MTMR2: variants seen among roughly 807,000 people sequenced by gnomAD.
MTMR2 encodes the protein phosphatidylinositol-3,5-bisphosphate 3-phosphatase MTMR2.
Under a neutral mutation model 86.9 loss-of-function variants are expected in MTMR2, and 55 were observed. That is an observed-to-expected ratio of 0.63 (90% CI 0.51 to 0.79). The LOEUF is 0.79. Among genes scored for constraint, MTMR2 ranks in the 30% least tolerant of loss-of-function variants. MTMR2 has a pLI of 0.00. For synonymous variants in MTMR2, 241 were observed against 266.8 expected (o/e 0.90, Z 0.94); for missense variants, 659 against 772.3 (o/e 0.85, Z 1.74).
chr11:95,862,246 A>C (rs765861733), intron 4 of MTMR2, 26 bp downstream of exon 4: 8 of 1,575,924 alleles, frequency 5.1e-6, no homozygotes, highest in Non-Finnish European at 7.0e-6. Context: ...ACTCATGTAC[A>C]TACAAAAATC....
intron 2 of MTMR2, chr11:95,887,684 G>A (rs1463206584): frequency 3.4e-5 from 6 of 177,120 alleles, no homozygotes; most frequent in Non-Finnish European, 5.9e-5. Context: ...GACTGCATGG[G>A]CTGGAACACC....
chr11:95,908,746 A>G (rs1356355604), intron 1 of MTMR2, among the ~76,000 whole-genome samples: 1 of 152,044 alleles, frequency 6.6e-6, no homozygotes, highest in Non-Finnish European at 1.5e-5. Flanking sequence ...TGGGGAAAGG[A>G]CTCTATTCAA....
Position 95,905,052 on chromosome 11 carries a change from C to T in MTMR2, c.81-16791G>A, listed in dbSNP as rs73533180. Among the ~76,000 whole-genome samples the T allele has an allele frequency of 9.4e-3, 1,430 of 152,194 alleles. 23 individuals are homozygous for T. Among genetic ancestry groups the T allele is most frequent in the African/African-American group, 0.033 (1,383 of 41,508 alleles). ...CAGCATTTAACATAGTTGATCACAC[C>T]TTCCTCCTTGAAACACTTTCCACAC... On this transcript the variant is annotated intron_variant, in intron 1 of 14. Coordinates refer to ENST00000346299, the MANE Select transcript of MTMR2 (RefSeq NM_016156.6).
At chr11:95,854,463 A>T (rs1271681089) in intron 7 of MTMR2, among the ~76,000 whole-genome samples, 3 of 152,086 alleles carry the variant, frequency 2.0e-5, no homozygotes, top group Non-Finnish European at 4.4e-5. Context: ...CGTGCTCGTT[A>T]TCTTTTTTGT....
At chr11:95,893,321 A>G (rs1865774214) in intron 1 of MTMR2, among the ~76,000 whole-genome samples, 1 of 152,114 alleles carries the variant, frequency 6.6e-6, no homozygotes, top group African/African-American at 2.4e-5. Context: ...CCCTGCCACT[A>G]TAATCTTAAA....
chr11:95,844,217 G>A (rs1488395704), intron 11 of MTMR2, among the ~76,000 whole-genome samples: 1 of 152,126 alleles, frequency 6.6e-6, no homozygotes, highest in African/African-American at 2.4e-5. Context: ...TTAAATGGCC[G>A]TTTCATGATA....
intron 1 of MTMR2, among the ~76,000 whole-genome samples, chr11:95,889,045 C>A (rs1402451573): frequency 6.6e-6 from 1 of 152,104 alleles, no homozygotes; most frequent in East Asian, 1.9e-4. Flanking sequence ...CCTCCCACCA[C>A]ATCAAACAAC....
chr11:95,864,474 G>A (rs1333607366), intron 3 of MTMR2, among the ~76,000 whole-genome samples: 2 of 152,098 alleles, frequency 1.3e-5, no homozygotes, highest in African/African-American at 4.8e-5. Context: ...TATTAGCTAG[G>A]TTATCTTCCT....
intron 1 of MTMR2, among the ~76,000 whole-genome samples, chr11:95,919,353 TTGAGTA>T (rs1866826698): frequency 6.6e-6 from 1 of 152,192 alleles, no homozygotes; most frequent in South Asian, 2.1e-4. Flanking sequence ...GAGAACTACT[TTGAGTA>T]TGTGTACCCC....
chr11:95,888,142 A>T lies in MTMR2; in HGVS notation c.186+14T>A. The T allele has an allele frequency of 6.4e-7, 1 of 1,561,214 alleles. No homozygotes were observed. The highest frequency in any genetic ancestry group is 8.8e-7 in the Non-Finnish European group (1 of 1,135,622). ...AGAAAGTACTTCATCAGAACTTTAA[A>T]ATAGTATACATACCCTCAAATCAGG... On this transcript the variant is annotated intron_variant, in intron 2 of 14. Coordinates refer to ENST00000346299, the MANE Select transcript of MTMR2 (RefSeq NM_016156.6).
chr11:95,909,478 TAGCA>T (rs1866417826), intron 1 of MTMR2, among the ~76,000 whole-genome samples: 1 of 152,152 alleles, frequency 6.6e-6, no homozygotes, highest in Non-Finnish European at 1.5e-5. Context: ...TGTCTCCAGA[TAGCA>T]GGGGTTCACT....
rs139949951 is a variant in MTMR2 at position 95,844,911 on chromosome 11, T to C, written c.1386+42A>G. On this transcript the variant is annotated intron_variant, in intron 11 of 14. Coordinates refer to ENST00000346299, the MANE Select transcript of MTMR2 (RefSeq NM_016156.6). ...CACATTTTTTTCACATGCCTTGGCA[T>C]GAATGCATGTGATATATCCAAAGTC... The C allele has an allele frequency of 3.4e-6, 5 of 1,492,532 alleles. No individual in the cohort carries two copies. In the African/African-American group the frequency reaches 6.9e-5, roughly 21 times the overall value. 92.5% of individuals were successfully genotyped at this position (1,492,532 alleles called of 1,614,324 possible).
intron 2 of MTMR2, among the ~76,000 whole-genome samples, chr11:95,879,067 G>A (rs1865228365): frequency 6.6e-6 from 1 of 152,068 alleles, no homozygotes; most frequent in Admixed American, 6.6e-5. Context: ...GAATTGAACA[G>A]ATGTCTGATT....
intron 1 of MTMR2, among the ~76,000 whole-genome samples, chr11:95,914,899 T>C (rs181813083): frequency 6.6e-6 from 1 of 152,294 alleles, no homozygotes; most frequent in East Asian, 1.9e-4. Flanking sequence ...AATGGAAACA[T>C]TAACACTCTC....
rs1863139038 is a variant in MTMR2 at position 95,833,967 on chromosome 11, T to C, written c.*1323A>G. 6.6e-6 allele frequency: 1 copy of C among 152,256 alleles called. No individual in the cohort carries two copies. The highest frequency in any genetic ancestry group is 2.1e-4 in the South Asian group (1 of 4,822). 9.4% of individuals were successfully genotyped at this position (152,256 alleles called of 1,614,324 possible). On this transcript the variant is annotated 3_prime_UTR_variant, in exon 15 of 15. Coordinates refer to ENST00000346299, the MANE Select transcript of MTMR2 (RefSeq NM_016156.6). ...ACACTGTATATTTTAATTGTTTGAT[T>C]TGGGTGTTGGTTAAGGAAAAATGGG...
chr11:95,873,010 C>T (rs1144674), intron 2 of MTMR2, among the ~76,000 whole-genome samples: 5,306 of 152,196 alleles, frequency 0.035, 145 homozygotes, highest in Middle Eastern at 0.054. Context: ...CTGCTGGATT[C>T]GGTTTGCCAG....
rs1863115281 is a variant in MTMR2, at chr11:95,833,473, A to C, written c.*1817T>G. On this transcript the variant is annotated 3_prime_UTR_variant, in exon 15 of 15. Transcript: ENST00000346299. The stretch of plus-strand genomic sequence containing the variant: ...CCCACACACACCAGTGGTATATATT[A>C]AATGCCCAAGTGCATGTACTCCATA... 1 of 152,082 alleles carries C rather than the reference A, an allele frequency of 6.6e-6. No individual in the cohort carries two copies. Among genetic ancestry groups the C allele is most frequent in the South Asian group, 2.1e-4 (1 of 4,830 alleles). The allele number at this position is 152,082 out of a possible 1,614,324, so 9.4% of individuals were successfully genotyped here.
chr11:95,870,013 A>C (rs1259893217), intron 2 of MTMR2, among the ~76,000 whole-genome samples: 1 of 152,196 alleles, frequency 6.6e-6, no homozygotes, highest in African/African-American at 2.4e-5. Flanking sequence ...TAGAATGTAC[A>C]CTTAAGATTT....
intron 1 of MTMR2, among the ~76,000 whole-genome samples, chr11:95,890,412 C>T (rs1865675664): frequency 6.6e-6 from 1 of 152,128 alleles, no homozygotes; most frequent in East Asian, 1.9e-4. Context: ...AGTTTGTGCC[C>T]TGCCGAAGAC....
Sources: gnomAD v4.1 joint callset for allele counts (sites outside exome capture counted in the v4.1 genomes callset) on GRCh38, gnomAD v4.1.1 for gene constraint, MANE v1.5 for transcripts, NCBI Gene and HGNC (gene_info 2026-07-23, HGNC 2026-07-21) for gene names.